Variants in DPF3 observed in about 807,000 individuals in gnomAD.
The protein encoded by DPF3 is double PHD fingers 3.
Under a neutral mutation model 56.8 loss-of-function variants are expected in DPF3, and 18 were observed. The ratio of observed to expected loss-of-function variants is 0.32; its 90% CI spans 0.22 to 0.47. The LOEUF is 0.47. DPF3 is among the 20% of genes least tolerant of loss of function. The pLI, the probability that DPF3 is intolerant of heterozygous loss-of-function variation, is 1.00. For missense variants in DPF3, 403 were observed against 488.8 expected, an observed-to-expected ratio of 0.82 and a Z score of 1.65; for synonymous variants, 188 against 180.2, an observed-to-expected ratio of 1.04 and a Z score of -0.35.
At chr14:72,737,361 G>A (rs1889934756) in intron 3 of DPF3, among the ~76,000 whole-genome samples, 1 of 152,102 alleles carries the variant, frequency 6.6e-6, no homozygotes, top group African/African-American at 2.4e-5. Context: ...CCAATGCACT[G>A]AAAGCAAAGC....
intron 6 of DPF3, among the ~76,000 whole-genome samples, chr14:72,705,645 G>A (rs539747456): frequency 9.9e-5 from 15 of 152,210 alleles, no homozygotes; most frequent in Non-Finnish European, 1.3e-4. Context: ...CACATGCTCT[G>A]GGTTAGTCGA....
rs565717221 is a variant in DPF3 at position 72,704,465 on chromosome 14, G to A, written c.604+9958C>T. Among the ~76,000 whole-genome samples the A allele has an allele frequency of 3.9e-5, 6 of 152,178 alleles. No individual in the cohort carries two copies. In the South Asian group the frequency reaches 6.2e-4, roughly 16 times the overall value. ...ACCTCCCATGCCAGGACATCAGTGC[G>A]GCCTCAAATGCTGAGCAGGTTTTAT... On this transcript the variant is annotated intron_variant, in intron 6 of 10. Coordinates refer to ENST00000556509, the MANE Select transcript of DPF3 (RefSeq NM_001280542.3).
At chr14:72,734,453 C>T (rs1019355887) in intron 3 of DPF3, among the ~76,000 whole-genome samples, 9 of 152,162 alleles carry the variant, frequency 5.9e-5, no homozygotes, top group Admixed American at 2.0e-4. Context: ...AATGTCTACT[C>T]TAAAGCAATT....
At position 72,875,373 on chromosome 14, in the gene DPF3, T is replaced by C. The variant is rs1886072692; in HGVS notation, c.32+18684A>G. ...AGTGAGCCATGATTGCGCCACTGCA[T>C]TCCAGCCTGGGCAACAGGGCAAGAC... On this transcript the variant is annotated intron_variant, in intron 1 of 10. Transcript: ENST00000556509. 2.0e-5 allele frequency among the ~76,000 whole-genome samples: 3 copies of C among 152,060 alleles called. No individual in the cohort carries two copies. In the South Asian group the frequency reaches 6.2e-4, roughly 32 times the overall value.
chr14:72,749,861 AAAG>A (rs1890491044), intron 3 of DPF3, among the ~76,000 whole-genome samples: 1 of 84,494 alleles, frequency 1.2e-5, no homozygotes. Context: ...AAAAAAAAGA[AAAG>A]AAAAGAAAAA....
At chr14:72,893,927 AAG>A in intron 1 of DPF3, 128 bp downstream of exon 1, 3 of 1,003,392 alleles carry the variant, frequency 3.0e-6, no homozygotes, top group Non-Finnish European at 4.6e-6. Context: ...GAGCTGAAAG[AAG>A]AGAGAAGCCC....
At chr14:72,690,640 C>A (rs368623118) in intron 7 of DPF3, among the ~76,000 whole-genome samples, 1 of 151,908 alleles carries the variant, frequency 6.6e-6, no homozygotes, top group Admixed American at 6.6e-5. Context: ...TACACGCACA[C>A]ACACGCATAG....
intron 1 of DPF3, among the ~76,000 whole-genome samples, chr14:72,780,374 T>C (rs1599434373): frequency 6.6e-6 from 1 of 152,170 alleles, no homozygotes; most frequent in African/African-American, 2.4e-5. Flanking sequence ...GCTCACTTAA[T>C]TAGATTGGAA....
At chr14:72,650,217 C>T (rs1416199597) in intron 8 of DPF3, among the ~76,000 whole-genome samples, 1 of 152,214 alleles carries the variant, frequency 6.6e-6, no homozygotes, top group Non-Finnish European at 1.5e-5. Context: ...GGTAGCTAAT[C>T]TAAGATCCGG....
intron 6 of DPF3, among the ~76,000 whole-genome samples, chr14:72,699,177 C>G (rs1888046507): frequency 6.6e-6 from 1 of 152,046 alleles, no homozygotes; most frequent in East Asian, 1.9e-4. Context: ...CAGAAAACAC[C>G]AGGATCTTAA....
At chr14:72,885,369 GGTTTGTTT>G (rs36017937) in intron 1 of DPF3, among the ~76,000 whole-genome samples, 16,289 of 149,108 alleles carry the variant, frequency 0.11, 1,058 homozygotes, top group East Asian at 0.2. Context: ...TAATTTTTTG[GGTTTGTTT>G]GTTTGTTTGT....
chr14:72,760,727 G>C (rs1362134805), intron 2 of DPF3, among the ~76,000 whole-genome samples: 1 of 151,936 alleles, frequency 6.6e-6, no homozygotes, highest in East Asian at 1.9e-4. Context: ...ACAAAAAAGA[G>C]AGAAAACATA....
chr14:72,878,762 A>G (rs1886212571), intron 1 of DPF3, among the ~76,000 whole-genome samples: 1 of 152,206 alleles, frequency 6.6e-6, no homozygotes, highest in African/African-American at 2.4e-5. Context: ...CTCAAGACCA[A>G]AGGGAGAAAG....
chr14:72,652,561 T>A (rs1306131244), intron 8 of DPF3, among the ~76,000 whole-genome samples: 1 of 152,044 alleles, frequency 6.6e-6, no homozygotes, highest in Non-Finnish European at 1.5e-5. Context: ...GACAGAGACT[T>A]CCTTTAGAGC....
intron 8 of DPF3, among the ~76,000 whole-genome samples, chr14:72,673,627 T>C (rs1173461452): frequency 6.6e-6 from 1 of 152,238 alleles, no homozygotes; most frequent in Non-Finnish European, 1.5e-5. Flanking sequence ...AATATAAACA[T>C]ATACACCAAA....
At chr14:72,750,041 C>A (rs1428493539) in intron 3 of DPF3, among the ~76,000 whole-genome samples, 3 of 152,012 alleles carry the variant, frequency 2.0e-5, no homozygotes, top group Admixed American at 2.0e-4. Context: ...ACTTGAGCTT[C>A]CAATGTTTAT....
intron 6 of DPF3, among the ~76,000 whole-genome samples, chr14:72,706,898 C>A (rs2153574792): frequency 6.6e-6 from 1 of 151,606 alleles, no homozygotes; most frequent in African/African-American, 2.4e-5. Flanking sequence ...CATATGTATA[C>A]ATGTGCCATG....
At chr14:72,790,789 C>T (rs1892396811) in intron 1 of DPF3, among the ~76,000 whole-genome samples, 1 of 152,124 alleles carries the variant, frequency 6.6e-6, no homozygotes, top group South Asian at 2.1e-4. Flanking sequence ...CTAAAATGTC[C>T]CCAGCCTTAC....
At chr14:72,629,261 TC>T (rs1885023580) in intron 9 of DPF3, among the ~76,000 whole-genome samples, 1 of 152,230 alleles carries the variant, frequency 6.6e-6, no homozygotes, top group Admixed American at 6.5e-5. Context: ...CGTGTACTGA[TC>T]TTTGTCGAAG....
Sources: allele counts gnomAD v4.1 joint callset (sites outside exome capture counted in the v4.1 genomes callset), GRCh38; gene constraint gnomAD v4.1.1; transcripts MANE v1.5; gene names NCBI Gene and HGNC (gene_info 2026-07-23, HGNC 2026-07-21).